The following PDE8A variants were observed in gnomAD, a reference collection of about 807,000 sequenced individuals.
PDE8A encodes phosphodiesterase 8A, also known as high affinity cAMP-specific and IBMX-insensitive 3',5'-cyclic phosphodiesterase 8A.
In PDE8A, 59 loss-of-function variants were observed where a neutral mutation model predicts 105.0. The observed-to-expected ratio is 0.56, with a 90% CI of 0.46 to 0.70. The LOEUF (loss-of-function observed/expected upper bound fraction) is 0.70, where lower values mean the gene tolerates loss of function less well. PDE8A is among the 30% of genes least tolerant of loss of function. The pLI is 0.00. For synonymous variants in PDE8A, 355 were observed against 371.9 expected, an observed-to-expected ratio of 0.95 and a Z score of 0.52; for missense variants, 1,014 against 1,045.9, an observed-to-expected ratio of 0.97 and a Z score of 0.42.
chr15:85,058,979 G>T (rs1362002233), intron 1 of PDE8A, among the ~76,000 whole-genome samples: 2 of 152,048 alleles, frequency 1.3e-5, no homozygotes, highest in Non-Finnish European at 2.9e-5. Flanking sequence ...ATAAAGTTAT[G>T]TTGTTGATTT....
chr15:84,983,653 T>C (rs965631631), intron 1 of PDE8A, among the ~76,000 whole-genome samples: 4 of 152,254 alleles, frequency 2.6e-5, no homozygotes, highest in African/African-American at 9.6e-5. Flanking sequence ...TTAATATCAG[T>C]GTTAAGCTGT....
intron 20 of PDE8A, among the ~76,000 whole-genome samples, chr15:85,132,464 T>C (rs2141652056): frequency 6.6e-6 from 1 of 152,288 alleles, no homozygotes. Flanking sequence ...GTTTTTTGTA[T>C]TTTTCAGCCT....
chr15:84,997,114 C>A (rs1596417450), intron 1 of PDE8A, among the ~76,000 whole-genome samples: 1 of 152,098 alleles, frequency 6.6e-6, no homozygotes, highest in African/African-American at 2.4e-5. Flanking sequence ...TAATACTTAG[C>A]TTAAAACGTG....
intron 20 of PDE8A, among the ~76,000 whole-genome samples, chr15:85,135,262 G>A (rs1335697076): frequency 6.6e-6 from 1 of 152,112 alleles, no homozygotes; most frequent in Non-Finnish European, 1.5e-5. Flanking sequence ...CCAACAGTGG[G>A]ACGAGACTTC....
intron 1 of PDE8A, among the ~76,000 whole-genome samples, chr15:85,030,216 G>A (rs1596457496): frequency 6.6e-6 from 1 of 151,856 alleles, no homozygotes; most frequent in South Asian, 2.1e-4. Flanking sequence ...TAGAAGTGTT[G>A]AAAACAGAGG....
chr15:85,056,482 A>G (rs2081061904), intron 1 of PDE8A, among the ~76,000 whole-genome samples: 1 of 152,090 alleles, frequency 6.6e-6, no homozygotes. Context: ...ACATAGTCCC[A>G]CATTTCTTGG....
chr15:85,104,771 A>C (rs2081922363), intron 11 of PDE8A, among the ~76,000 whole-genome samples: 1 of 152,158 alleles, frequency 6.6e-6, no homozygotes, highest in African/African-American at 2.4e-5. Flanking sequence ...ATAAGCCAAA[A>C]CTTTTGGCCC....
rs1222654083 is a variant in PDE8A, at chr15:84,982,280, G to A, written c.118G>A (p.Ala40Thr). The A allele has an allele frequency of 1.4e-6, 2 of 1,425,048 alleles. No individual in the cohort carries two copies. 88.3% of individuals were successfully genotyped at this position (1,425,048 alleles called of 1,614,324 possible). Reference sequence around the variant, plus strand: ...GCGCCTCCCGCAGGGCCAGAAGACGGCCGCCTTGCCCCGGACCCGCGGCGC... The same window carrying A: ...GCGCCTCCCGCAGGGCCAGAAGACGACCGCCTTGCCCCGGACCCGCGGCGC... ...GPRLPQGQKT[A>T]ALPRTRGAGL... The change falls in exon 1 of 22, where the codon GCC becomes ACC. Residue 40 changes from alanine (A) to threonine (T), a missense_variant. Coordinates refer to ENST00000394553, the MANE Select transcript of PDE8A (RefSeq NM_002605.3).
At chr15:84,995,129 A>G (rs539340003) in intron 1 of PDE8A, among the ~76,000 whole-genome samples, 3 of 152,332 alleles carry the variant, frequency 2.0e-5, no homozygotes, top group South Asian at 2.1e-4. Context: ...AGTTTTGACA[A>G]ACGCATACAT....
At chr15:84,991,896 C>T (rs1382395233) in intron 1 of PDE8A, among the ~76,000 whole-genome samples, 1 of 151,832 alleles carries the variant, frequency 6.6e-6, no homozygotes, top group South Asian at 2.1e-4. Context: ...ACCTGTAATC[C>T]CAGCACTTTG....
At chr15:84,981,168 G>A (rs546112481), upstream of PDE8A, among the ~76,000 whole-genome samples, 4 of 152,350 alleles carry the variant, frequency 2.6e-5, no homozygotes, top group South Asian at 8.3e-4. Flanking sequence ...GTGGCCTCGG[G>A]ACGGAGGTGG....
At chr15:85,117,257 G>A (rs185449723) in intron 16 of PDE8A, among the ~76,000 whole-genome samples, 4 of 152,368 alleles carry the variant, frequency 2.6e-5, no homozygotes, top group Non-Finnish European at 1.5e-5. Context: ...GGTCCAGCAA[G>A]TCCAAAGGAG....
rs139754981 is a variant in PDE8A, at chr15:85,059,967, C to G, written c.187-4403C>G. 2.3e-4 allele frequency among the ~76,000 whole-genome samples: 35 copies of G among 152,278 alleles called. No homozygotes were observed. In the East Asian group the frequency reaches 6.6e-3, roughly 29 times the overall value. ...AGGCTACAGTGAGCTATGATCATGC[C>G]ATTGCACTCCAGCCTGGGTGATAGA... On this transcript the variant is annotated intron_variant, in intron 1 of 21. Transcript: ENST00000394553.
At chr15:85,061,071 C>T (rs1362257719) in intron 1 of PDE8A, among the ~76,000 whole-genome samples, 1 of 151,922 alleles carries the variant, frequency 6.6e-6, no homozygotes, top group African/African-American at 2.4e-5. Flanking sequence ...TAATTCCTCC[C>T]TCACTTTTGA....
chr15:85,101,678 C>A (rs1347959160), intron 11 of PDE8A, among the ~76,000 whole-genome samples: 1 of 152,052 alleles, frequency 6.6e-6, no homozygotes, highest in Non-Finnish European at 1.5e-5. Flanking sequence ...GAGAAGAATA[C>A]CAGCATTGCC....
chr15:85,002,842 C>G (rs913860143), intron 1 of PDE8A, among the ~76,000 whole-genome samples: 1 of 152,196 alleles, frequency 6.6e-6, no homozygotes, highest in Admixed American at 6.5e-5. Context: ...TCACTTCTTT[C>G]ACCTTTATTG....
chr15:85,024,071 C>T (rs1185285291), intron 1 of PDE8A, among the ~76,000 whole-genome samples: 2 of 152,086 alleles, frequency 1.3e-5, no homozygotes, highest in African/African-American at 4.8e-5. Flanking sequence ...CCTGTAGCTC[C>T]CTTGCCTACC....
At chr15:85,023,992 C>CG (rs758963452) in intron 1 of PDE8A, among the ~76,000 whole-genome samples, 1 of 150,370 alleles carries the variant, frequency 6.7e-6, no homozygotes, top group Non-Finnish European at 1.5e-5. Flanking sequence ...CTTGATGCTA[C>CG]GAAGAGTGGA....
At chr15:85,052,485 T>C (rs1375344290) in intron 1 of PDE8A, among the ~76,000 whole-genome samples, 1 of 152,202 alleles carries the variant, frequency 6.6e-6, no homozygotes, top group Non-Finnish European at 1.5e-5. Context: ...CCAGCGCCTG[T>C]TGTTTCCTGA....
Sources: gnomAD v4.1 joint callset for allele counts (sites outside exome capture counted in the v4.1 genomes callset) on GRCh38, gnomAD v4.1.1 for gene constraint, MANE v1.5 for transcripts, NCBI Gene and HGNC (gene_info 2026-07-23, HGNC 2026-07-21) for gene names.